The following MARCHF1 variants were observed in gnomAD, a reference collection of about 807,000 sequenced individuals.
MARCHF1 encodes the protein E3 ubiquitin-protein ligase MARCHF1.
A neutral mutation model predicts 54.2 loss-of-function variants in MARCHF1; 40 were observed. The observed-to-expected ratio is 0.74, with a 90% CI of 0.57 to 0.96. MARCHF1 has a LOEUF of 0.96. Among genes scored for constraint, MARCHF1 ranks in the 40% least tolerant of loss-of-function variants. The pLI, the probability that MARCHF1 is intolerant of heterozygous loss-of-function variation, is 0.00. For synonymous variants in MARCHF1, 236 were observed against 236.3 expected (o/e 1.00, Z 0.01); for missense variants, 586 against 656.5 (o/e 0.89, Z 1.17).
At chr4:164,335,522 C>T (rs1318106462) in intron 1 of MARCHF1, among the ~76,000 whole-genome samples, 1 of 149,864 alleles carries the variant, frequency 6.7e-6, no homozygotes, top group Non-Finnish European at 1.5e-5. Flanking sequence ...GCGGAGCTTG[C>T]AGTGAGCCGA....
intron 1 of MARCHF1, among the ~76,000 whole-genome samples, chr4:164,248,948 A>G (rs1406580067): frequency 5.3e-5 from 8 of 152,092 alleles, no homozygotes; most frequent in East Asian, 3.9e-4. Flanking sequence ...ATTCATTGGA[A>G]TATGTAAATA....
chr4:163,811,019 T>G (rs1748368960), intron 4 of MARCHF1, among the ~76,000 whole-genome samples: 1 of 152,244 alleles, frequency 6.6e-6, no homozygotes, highest in South Asian at 2.1e-4. Context: ...CTTAAGAAGT[T>G]TCACTACAGT....
At chr4:163,878,186 GA>G (rs1750334800) in intron 3 of MARCHF1, among the ~76,000 whole-genome samples, 1 of 151,986 alleles carries the variant, frequency 6.6e-6, no homozygotes, top group South Asian at 2.1e-4. Flanking sequence ...GACACTTTCC[GA>G]ATACCAGCTT....
chr4:164,069,078 A>G (rs1204525204), intron 2 of MARCHF1, among the ~76,000 whole-genome samples: 1 of 152,192 alleles, frequency 6.6e-6, no homozygotes, highest in East Asian at 1.9e-4. Context: ...AAATGCACCA[A>G]TCAGCACTCT....
At chr4:163,557,093 T>G (rs574856255) in intron 8 of MARCHF1, among the ~76,000 whole-genome samples, 1 of 152,116 alleles carries the variant, frequency 6.6e-6, no homozygotes, top group African/African-American at 2.4e-5. Context: ...CAGGGAAGGG[T>G]TGGAGGTATA....
intron 4 of MARCHF1, among the ~76,000 whole-genome samples, chr4:163,737,949 C>G: frequency 1.3e-5 from 1 of 76,504 alleles, no homozygotes; most frequent in Admixed American, 1.3e-4. Context: ...GCTCTAAAGA[C>G]ACATGCACAC....
intron 8 of MARCHF1, 36 bp from the exon 9 acceptor site, chr4:163,545,779 C>G (rs1158400911): frequency 6.2e-7 from 1 of 1,601,146 alleles, no homozygotes; most frequent in Non-Finnish European, 8.5e-7. Flanking sequence ...AACTGAATTG[C>G]AAACTAGGAA....
chr4:164,298,593 GTTGGTC>G (rs1734471898), intron 1 of MARCHF1, among the ~76,000 whole-genome samples: 1 of 152,052 alleles, frequency 6.6e-6, no homozygotes, highest in Non-Finnish European at 1.5e-5. Context: ...AATATCAAGA[GTTGGTC>G]TTTCTATGGG....
intron 7 of MARCHF1, among the ~76,000 whole-genome samples, chr4:163,594,572 T>TA (rs1740698885): frequency 1.3e-5 from 2 of 150,790 alleles, no homozygotes; most frequent in Admixed American, 1.3e-4. Context: ...ATAATTTAAA[T>TA]AAAAAATTAA....
chr4:164,156,138 T>C (rs28655822), intron 1 of MARCHF1, among the ~76,000 whole-genome samples: 28,991 of 152,074 alleles, frequency 0.19, 4,404 homozygotes, highest in African/African-American at 0.41. Flanking sequence ...AAATCTGGGT[T>C]CAATTGTAAT....
intron 2 of MARCHF1, among the ~76,000 whole-genome samples, chr4:164,034,327 G>A (rs1298407517): frequency 2.0e-5 from 3 of 152,120 alleles, no homozygotes; most frequent in Admixed American, 2.0e-4. Context: ...ACTGGGGTCA[G>A]TTGGCAAGGC....
At chr4:163,768,031 T>A (rs1457319272) in intron 4 of MARCHF1, among the ~76,000 whole-genome samples, 1 of 152,068 alleles carries the variant, frequency 6.6e-6, no homozygotes, top group Admixed American at 6.5e-5. Context: ...AAGAGTGCAT[T>A]TTTTTTATAT....
chr4:163,844,193 T>A (rs1324802846), intron 4 of MARCHF1, among the ~76,000 whole-genome samples: 1 of 152,148 alleles, frequency 6.6e-6, no homozygotes, highest in Non-Finnish European at 1.5e-5. Context: ...TTCTCATCAT[T>A]CAGCTCCCAC....
chr4:163,544,522 G>T (rs547156682), intron 9 of MARCHF1, among the ~76,000 whole-genome samples: 1 of 152,024 alleles, frequency 6.6e-6, no homozygotes, highest in Non-Finnish European at 1.5e-5. Context: ...CTTTATCCCC[G>T]CAGCCCCTTT....
At chr4:164,157,123 T>C (rs1476389907) in intron 1 of MARCHF1, among the ~76,000 whole-genome samples, 1 of 152,022 alleles carries the variant, frequency 6.6e-6, no homozygotes, top group East Asian at 1.9e-4. Flanking sequence ...TATTTCTCCA[T>C]AGATGGAAAA....
intron 1 of MARCHF1, among the ~76,000 whole-genome samples, chr4:164,337,956 G>A (rs1245684878): frequency 6.6e-6 from 1 of 152,196 alleles, no homozygotes; most frequent in Non-Finnish European, 1.5e-5. Flanking sequence ...AAATGCCTAA[G>A]TATCTCAGAA....
chr4:164,149,070 T>G (rs1458070106), intron 1 of MARCHF1, among the ~76,000 whole-genome samples: 1 of 152,156 alleles, frequency 6.6e-6, no homozygotes, highest in Middle Eastern at 3.2e-3. Context: ...CCCTATGAGT[T>G]CATGTAAAAT....
At chr4:163,739,538 T>G (rs1746137823) in intron 4 of MARCHF1, among the ~76,000 whole-genome samples, 1 of 152,196 alleles carries the variant, frequency 6.6e-6, no homozygotes, top group African/African-American at 2.4e-5. Flanking sequence ...AAAAGAACGC[T>G]AAACTGAAAT....
intron 2 of MARCHF1, among the ~76,000 whole-genome samples, chr4:164,051,562 A>C (rs1215046191): frequency 6.6e-6 from 1 of 152,200 alleles, no homozygotes; most frequent in Non-Finnish European, 1.5e-5. Context: ...TTAACAACCA[A>C]CTAGACATTA....
Sources: gnomAD v4.1 joint callset for allele counts (sites outside exome capture counted in the v4.1 genomes callset) on GRCh38, gnomAD v4.1.1 for gene constraint, MANE v1.5 for transcripts, NCBI Gene and HGNC (gene_info 2026-07-23, HGNC 2026-07-21) for gene names.